The following SCAPER variants were observed in gnomAD, a reference collection of about 807,000 sequenced individuals.
SCAPER encodes the protein S-phase cyclin A associated protein in the ER, also known as S phase cyclin A-associated protein in the endoplasmic reticulum.
SCAPER carries 98 observed loss-of-function variants against 182.2 expected under a neutral mutation model. The observed-to-expected ratio is 0.54, with a 90% CI of 0.46 to 0.64. The LOEUF (loss-of-function observed/expected upper bound fraction) is 0.64. SCAPER is among the 30% of genes least tolerant of loss of function. SCAPER has a pLI of 0.00. For synonymous variants in SCAPER, 605 were observed against 564.6 expected, an observed-to-expected ratio of 1.07 and a Z score of -1.01; for missense variants, 1,432 against 1,690.0, an observed-to-expected ratio of 0.85 and a Z score of 2.68.
chr15:76,573,367 A>G lies in SCAPER; in HGVS notation c.2838+791T>C, dbSNP rs1008533230. ...TTTTTTATTAATATTTCTTTTGTAC[A>G]TATCAAATATTACATTACAACCTTT... is the stretch of plus-strand genomic sequence containing the variant. On this transcript the variant is annotated intron_variant, in intron 23 of 31. Coordinates refer to ENST00000563290, the MANE Select transcript of SCAPER (RefSeq NM_020843.4). Among the ~76,000 whole-genome samples, 4 of 152,106 alleles carry G rather than the reference A, an allele frequency of 2.6e-5. No homozygotes were observed. The East Asian group carries it at 5.8e-4, about 22-fold the overall frequency.
At chr15:76,706,028 A>T in intron 17 of SCAPER, 44 bp from the exon 18 acceptor site, 1 of 1,437,038 alleles carries the variant, frequency 7.0e-7, no homozygotes, top group Non-Finnish European at 9.4e-7. Context: ...TGCTTAAAGT[A>T]ACAAATCTCA....
chr15:76,652,634 C>T (rs1428683053), intron 21 of SCAPER, among the ~76,000 whole-genome samples: 8 of 149,232 alleles, frequency 5.4e-5, no homozygotes, highest in African/African-American at 1.5e-4. Flanking sequence ...TCACTTAGAG[C>T]GGGGAGGCAG....
chr15:76,872,754 C>CA (rs939993792), intron 2 of SCAPER, among the ~76,000 whole-genome samples: 2 of 150,662 alleles, frequency 1.3e-5, no homozygotes, highest in Middle Eastern at 6.3e-3. Context: ...ACACCAAAAA[C>CA]AGTAAAAATA....
At position 76,509,574 on chromosome 15, in the gene SCAPER, G is replaced by A. The variant is rs143435134; in HGVS notation, c.2839-4600C>T. ...TTTTGTGAAATACAATACAGATGAA[G>A]TACTGAACAAATGGGAAAAAATGTA... On this transcript the variant is annotated intron_variant, in intron 23 of 31. Coordinates refer to ENST00000563290, the MANE Select transcript of SCAPER (RefSeq NM_020843.4). 9.0e-3 allele frequency among the ~76,000 whole-genome samples: 1,375 copies of A among 152,148 alleles called. 9 individuals are homozygous for A. The highest frequency in any genetic ancestry group is 0.016 in the Non-Finnish European group (1,062 of 67,986).
chr15:76,611,774 G>T (rs928853452), intron 22 of SCAPER, among the ~76,000 whole-genome samples: 1 of 152,170 alleles, frequency 6.6e-6, no homozygotes, highest in Non-Finnish European at 1.5e-5. Context: ...ACCCCAGGAT[G>T]CAAGGTTGGT....
intron 29 of SCAPER, among the ~76,000 whole-genome samples, chr15:76,367,635 T>C (rs542439559): frequency 6.6e-6 from 1 of 152,216 alleles, no homozygotes; most frequent in African/African-American, 2.4e-5. Flanking sequence ...AGGAGTTCCT[T>C]CTGACCTCTC....
At chr15:76,416,076 C>T (rs2045624298) in intron 26 of SCAPER, among the ~76,000 whole-genome samples, 1 of 151,988 alleles carries the variant, frequency 6.6e-6, no homozygotes, top group East Asian at 1.9e-4. Flanking sequence ...CATTTCAACA[C>T]CTCCAATAGT....
At chr15:76,766,080 CATTTATTT>C (rs35954470) in intron 11 of SCAPER, among the ~76,000 whole-genome samples, 10 of 148,490 alleles carry the variant, frequency 6.7e-5, no homozygotes, top group East Asian at 4.0e-4. Context: ...ATCATTTGCT[CATTTATTT>C]ATTTATTTAT....
chr15:76,626,789 C>G (rs2052621640), intron 21 of SCAPER, among the ~76,000 whole-genome samples: 5 of 152,130 alleles, frequency 3.3e-5, no homozygotes, highest in Admixed American at 3.3e-4. Flanking sequence ...ATGTTCACTT[C>G]CAGCTGTTTC....
At chr15:76,643,941 T>C (rs1281944733) in intron 21 of SCAPER, among the ~76,000 whole-genome samples, 1 of 152,152 alleles carries the variant, frequency 6.6e-6, no homozygotes, top group Non-Finnish European at 1.5e-5. Context: ...TTCCAGATGA[T>C]TGTGATGCAG....
At chr15:76,442,059 G>GTA (rs1366081106) in intron 25 of SCAPER, among the ~76,000 whole-genome samples, 1 of 152,022 alleles carries the variant, frequency 6.6e-6, no homozygotes, top group Non-Finnish European at 1.5e-5. Context: ...ATATATACAT[G>GTA]TATATATAGA....
chr15:76,788,180 G>A (rs779606377), intron 8 of SCAPER, among the ~76,000 whole-genome samples: 54 of 152,092 alleles, frequency 3.6e-4, no homozygotes, highest in Admixed American at 8.5e-4. Flanking sequence ...AACACCACAC[G>A]GCCGTGGAGA....
intron 23 of SCAPER, among the ~76,000 whole-genome samples, chr15:76,535,251 T>C (rs890741899): frequency 5.9e-5 from 9 of 152,034 alleles, no homozygotes; most frequent in African/African-American, 9.7e-5. Context: ...TGGCCAGGCG[T>C]GGTGGCTCAC....
chr15:76,409,624 C>T (rs2045133872), intron 26 of SCAPER, among the ~76,000 whole-genome samples: 1 of 150,904 alleles, frequency 6.6e-6, no homozygotes, highest in African/African-American at 2.4e-5. Context: ...AAAAAAAAAA[C>T]TAAAATGAGT....
chr15:76,513,767 G>A (rs1365264361), intron 23 of SCAPER, among the ~76,000 whole-genome samples: 1 of 152,138 alleles, frequency 6.6e-6, no homozygotes, highest in Non-Finnish European at 1.5e-5. Flanking sequence ...GAAAAAGCAA[G>A]TACACTAAAA....
rs1380858912 is a variant in SCAPER at position 76,601,663 on chromosome 15, T to C, written c.2711+20101A>G. Among the ~76,000 whole-genome samples, 5 of 121,966 alleles carry C rather than the reference T, an allele frequency of 4.1e-5. 2 individuals are homozygous for C. Among genetic ancestry groups the C allele is most frequent in the Non-Finnish European group, 8.0e-5 (4 of 50,154 alleles). 80.0% of individuals were successfully genotyped at this position (121,966 alleles called of 152,430 possible). Reference sequence around the variant, plus strand: ...GTGATGTATGACTGTATATTTCTTATTTTTAGTAGTTGCAAACTAAAAGTT... The same window carrying C: ...GTGATGTATGACTGTATATTTCTTACTTTTAGTAGTTGCAAACTAAAAGTT... On this transcript the variant is annotated intron_variant, in intron 22 of 31. Coordinates refer to ENST00000563290, the MANE Select transcript of SCAPER (RefSeq NM_020843.4).
chr15:76,896,382 C>T (rs1308345100), intron 1 of SCAPER, among the ~76,000 whole-genome samples: 1 of 151,866 alleles, frequency 6.6e-6, no homozygotes, highest in Non-Finnish European at 1.5e-5. Context: ...AAAACAACAA[C>T]AAAAATAATA....
chr15:76,701,577 T>C (rs1259734460), intron 20 of SCAPER, among the ~76,000 whole-genome samples, 181 bp downstream of exon 20: 2 of 152,210 alleles, frequency 1.3e-5, no homozygotes, highest in Non-Finnish European at 2.9e-5. Context: ...ATCTTTCTTG[T>C]TAAATTAATA....
chr15:76,589,457 G>A (rs925552800), intron 22 of SCAPER, among the ~76,000 whole-genome samples: 14 of 152,094 alleles, frequency 9.2e-5, no homozygotes, highest in African/African-American at 3.4e-4. Context: ...ATGTTGTCAG[G>A]GAAGTGGGGA....
Sources: allele counts gnomAD v4.1 joint callset (sites outside exome capture counted in the v4.1 genomes callset), GRCh38; gene constraint gnomAD v4.1.1; transcripts MANE v1.5; gene names NCBI Gene and HGNC (gene_info 2026-07-23, HGNC 2026-07-21).